The following CHD9 variants were observed in gnomAD, a reference collection of about 807,000 sequenced individuals.
CHD9 encodes ATP-dependent chromatin remodeler CHD9.
CHD9 carries 77 observed loss-of-function variants against 316.1 expected under a neutral mutation model. The observed-to-expected ratio is 0.24, with a 90% CI of 0.20 to 0.29. CHD9 has a LOEUF of 0.29. Ranked by LOEUF, CHD9 falls within the 10% of genes least tolerant of loss-of-function variation. The probability of loss-of-function intolerance (pLI) is 1.00; values close to 1 mark genes in which losing one functional copy is unlikely to be tolerated. For missense variants in CHD9, 2,763 were observed against 3,438.1 expected, an observed-to-expected ratio of 0.80 and a Z score of 4.91; for synonymous variants, 1,129 against 1,158.3, an observed-to-expected ratio of 0.97 and a Z score of 0.51.
intron 1 of CHD9, among the ~76,000 whole-genome samples, chr16:53,100,433 C>T (rs931550632): frequency 4.8e-5 from 7 of 146,952 alleles, no homozygotes; most frequent in African/African-American, 1.7e-4. Context: ...AGAAAGCACT[C>T]TGAATTTAGA....
Position 53,226,450 on chromosome 16 carries a change from T to A in CHD9, c.1981T>A (p.Ser661Thr). 1.2e-6 allele frequency: 2 copies of A among 1,607,132 alleles called. No individual in the cohort carries two copies. The highest frequency in any genetic ancestry group is 1.7e-5 in the Admixed American group (1 of 58,230). ...GCAATCTGAAGAAGAGGTTAAAGGTTCTATGAAAATAAAAAAGAATTCAGC... is the reference window on the plus strand; with the variant it reads ...GCAATCTGAAGAAGAGGTTAAAGGTACTATGAAAATAAAAAAGAATTCAGC... ...GKQSEEEVKG[S>T]MKIKKNSAPL... Residue 661 changes from serine (S) to threonine (T), a missense_variant, in exon 5 of 39, where the codon TCT (serine) becomes ACT (threonine). Physicochemically the swap from Ser to Thr is moderately conservative, Grantham distance 58. Transcript: ENST00000447540.
Position 53,108,511 on chromosome 16 carries a change from TATAGATAGATAG to T in CHD9, c.-164-47376_-164-47365del, listed in dbSNP as rs36134573. Among the ~76,000 whole-genome samples, 990 of 146,612 alleles carry T rather than the reference TATAGATAGATAG, an allele frequency of 6.8e-3. 15 individuals carry two copies. The highest frequency in any genetic ancestry group is 0.028 in the East Asian group (139 of 4,896). ...CAGAGTGAGATCCTGTCTCAAAAAA[TATAGATAGATAG>T]ATAGATAGATAGATAGATAGATAGA... On this transcript the variant is annotated intron_variant, in intron 1 of 38. Transcript: ENST00000447540.
chr16:53,193,226 A>C (rs2044616726), intron 2 of CHD9, among the ~76,000 whole-genome samples: 1 of 152,090 alleles, frequency 6.6e-6, no homozygotes. Context: ...AGGCAGGTGG[A>C]TCATGAGGTC....
rs576361536 is a variant in CHD9, at chr16:53,158,269, A to G, written c.1452+728A>G. On this transcript the variant is annotated intron_variant, in intron 2 of 38. Coordinates refer to ENST00000447540, the MANE Select transcript of CHD9 (RefSeq NM_001308319.2). ...GTATATACCCAAAGATATTTGTCTT[A>G]ATATACTTACAAGGGACAGCTGAAA... 3.9e-5 allele frequency among the ~76,000 whole-genome samples: 6 copies of G among 152,346 alleles called. No homozygotes were observed. The South Asian group carries it at 1.2e-3, about 32-fold the overall frequency.
At chr16:53,262,405 T>G (rs1169808703) in intron 19 of CHD9, among the ~76,000 whole-genome samples, 1 of 152,184 alleles carries the variant, frequency 6.6e-6, no homozygotes, top group African/African-American at 2.4e-5. Flanking sequence ...CTTCTTTTGC[T>G]CCTCAATATT....
At chr16:53,069,136 C>A (rs2033784890) in intron 1 of CHD9, among the ~76,000 whole-genome samples, 1 of 152,124 alleles carries the variant, frequency 6.6e-6, no homozygotes, top group South Asian at 2.1e-4. Context: ...TCCAGAGTAG[C>A]TGGGATTACA....
chr16:53,168,688 C>G (rs902033040), intron 2 of CHD9: 1 of 152,118 alleles, frequency 6.6e-6, no homozygotes, highest in African/African-American at 2.4e-5. Flanking sequence ...TTGCACCAAC[C>G]TATCAGGTAT....
chr16:53,191,420 A>G (rs1263054781), intron 2 of CHD9, among the ~76,000 whole-genome samples: 1 of 152,134 alleles, frequency 6.6e-6, no homozygotes, highest in Non-Finnish European at 1.5e-5. Context: ...ATCAGCCCTC[A>G]AAATTTCTTC....
intron 1 of CHD9, chr16:53,131,294 C>A: frequency 7.9e-6 from 1 of 126,920 alleles, no homozygotes; most frequent in Non-Finnish European, 1.6e-5. Flanking sequence ...AGTCAGCGAG[C>A]GGCGGTGAGT....
Position 53,324,000 on chromosome 16 carries a change from T to C in CHD9, c.7819-20T>C, listed in dbSNP as rs772210008. The C allele has an allele frequency of 1.9e-6, 3 of 1,568,580 alleles. No homozygotes were observed. Among genetic ancestry groups the C allele is most frequent in the South Asian group, 2.3e-5 (2 of 88,584 alleles). On this transcript the variant is annotated intron_variant, in intron 38 of 38. Transcript: ENST00000447540. Reference sequence around the variant, plus strand: ...TTTATTTTCATGTAGGGATTATTAATGAATATATATTTCTTCCAGGGATTT... The same window carrying C: ...TTTATTTTCATGTAGGGATTATTAACGAATATATATTTCTTCCAGGGATTT...
chr16:53,312,886 G>C (rs1362932825), intron 34 of CHD9, among the ~76,000 whole-genome samples: 1 of 152,162 alleles, frequency 6.6e-6, no homozygotes, highest in Non-Finnish European at 1.5e-5. Flanking sequence ...CTCCTTGAAT[G>C]ACTGGAAATG....
chr16:53,224,707 G>A (rs2047506399), intron 4 of CHD9, among the ~76,000 whole-genome samples: 1 of 152,106 alleles, frequency 6.6e-6, no homozygotes, highest in Non-Finnish European at 1.5e-5. Context: ...TTACTTAAAA[G>A]TCATGCCTAA....
At chr16:53,075,691 A>G (rs952282877) in intron 1 of CHD9, among the ~76,000 whole-genome samples, 1 of 152,198 alleles carries the variant, frequency 6.6e-6, no homozygotes, top group Non-Finnish European at 1.5e-5. Flanking sequence ...GCCTCTCGCC[A>G]TGATTCCGAG....
At chr16:53,070,381 A>T (rs1158042260) in intron 1 of CHD9, among the ~76,000 whole-genome samples, 1 of 152,008 alleles carries the variant, frequency 6.6e-6, no homozygotes, top group African/African-American at 2.4e-5. Flanking sequence ...TTTAGCTCTT[A>T]TATTTTAAGT....
intron 30 of CHD9, among the ~76,000 whole-genome samples, chr16:53,302,958 G>A (rs2055581831): frequency 6.6e-6 from 1 of 152,166 alleles, no homozygotes; most frequent in South Asian, 2.1e-4. Context: ...CTAGTAATTT[G>A]TGCAGTGTTT....
At position 53,254,462 on chromosome 16, in the gene CHD9, G is replaced by T; in HGVS notation, c.3886G>T (p.Gly1296Cys). The T allele has an allele frequency of 6.3e-7, 1 of 1,597,542 alleles. No homozygotes were observed. The highest frequency in any genetic ancestry group is 1.1e-5 in the South Asian group (1 of 87,150). Reference protein sequence around the residue: ...LQAQARCHRIGQNKAVKVYRL... With the variant: ...LQAQARCHRICQNKAVKVYRL... Reference sequence around the variant, plus strand: ...GGCCCAAGCTCGTTGCCACAGAATTGGTCAGAACAAAGCAGTTAAAGTCTA... The same window carrying T: ...GGCCCAAGCTCGTTGCCACAGAATTTGTCAGAACAAAGCAGTTAAAGTCTA... The change falls in exon 18 of 39, where the codon GGT (glycine) becomes TGT (cysteine). Residue 1296 changes from glycine to cysteine, a missense_variant. By Grantham distance (159) the Gly-to-Cys change is radical (BLOSUM62 -3). Coordinates refer to ENST00000447540, the MANE Select transcript of CHD9 (RefSeq NM_001308319.2).
intron 24 of CHD9, among the ~76,000 whole-genome samples, chr16:53,279,300 A>G (rs1597791445): frequency 1.3e-5 from 2 of 152,234 alleles, no homozygotes; most frequent in East Asian, 3.9e-4. Context: ...CATAGGTAGG[A>G]ATTGAACAAT....
At chr16:53,308,541 A>C in intron 33 of CHD9, 145 bp from the exon 34 acceptor site, 1 of 624,788 alleles carries the variant, frequency 1.6e-6, no homozygotes, top group Admixed American at 3.0e-5. Flanking sequence ...TTTTTATTTG[A>C]CTGATTTATG....
intron 1 of CHD9, chr16:53,121,938 A>G (rs2038758842): frequency 6.6e-6 from 1 of 152,402 alleles, no homozygotes; most frequent in East Asian, 1.9e-4. Context: ...TAGAGTGGAA[A>G]AGTATCTGAG....
Sources: gnomAD v4.1 joint callset for allele counts (sites outside exome capture counted in the v4.1 genomes callset) on GRCh38, gnomAD v4.1.1 for gene constraint, MANE v1.5 for transcripts, NCBI Gene and HGNC (gene_info 2026-07-23, HGNC 2026-07-21) for gene names.